The following RTTN variants were observed in gnomAD, a reference collection of about 807,000 sequenced individuals.
RTTN encodes the protein rotatin.
Under a neutral mutation model 269.2 loss-of-function variants are expected in RTTN, and 182 were observed. The observed-to-expected ratio is 0.68, with a 90% CI of 0.60 to 0.76. RTTN has a LOEUF of 0.76. Among genes scored for constraint, RTTN ranks in the 30% least tolerant of loss-of-function variants. The pLI is 0.00. For missense variants in RTTN, 2,545 were observed against 2,608.6 expected, an observed-to-expected ratio of 0.98 and a Z score of 0.53; for synonymous variants, 1,006 against 963.5, an observed-to-expected ratio of 1.04 and a Z score of -0.82.
intron 35 of RTTN, among the ~76,000 whole-genome samples, chr18:70,064,295 G>A (rs1339569634): frequency 1.0e-4 from 13 of 128,488 alleles, no homozygotes; most frequent in African/African-American, 2.1e-4. Context: ...CCAAGATTGC[G>A]CCACTGCACT....
chr18:70,122,671 C>T (rs893870880), intron 25 of RTTN, among the ~76,000 whole-genome samples: 7 of 152,126 alleles, frequency 4.6e-5, no homozygotes, highest in African/African-American at 1.4e-4. Context: ...AGTCCAACAC[C>T]AGGGATATAT....
chr18:70,013,645 C>T (rs890830238), intron 46 of RTTN, among the ~76,000 whole-genome samples: 23 of 151,936 alleles, frequency 1.5e-4, no homozygotes, highest in African/African-American at 5.6e-4. Flanking sequence ...AATATTTGAA[C>T]TGAATATTAC....
chr18:70,097,808 A>C (rs913792702), intron 28 of RTTN, among the ~76,000 whole-genome samples: 1 of 152,218 alleles, frequency 6.6e-6, no homozygotes, highest in Non-Finnish European at 1.5e-5. Flanking sequence ...CCAATACATT[A>C]ACAGTTCATT....
chr18:70,040,513 G>A (rs117951750), intron 40 of RTTN, among the ~76,000 whole-genome samples: 1,881 of 152,274 alleles, frequency 0.012, 22 homozygotes, highest in South Asian at 0.039. Flanking sequence ...ATCTCAAGAC[G>A]ATAATGGCTG....
intron 7 of RTTN, chr18:70,194,441 A>G (rs1292713373): frequency 1.3e-5 from 2 of 152,258 alleles, no homozygotes; most frequent in African/African-American, 4.8e-5. Context: ...CAGCAATTTC[A>G]CTATTATTCA....
At position 70,067,242 on chromosome 18, in the gene RTTN, C is replaced by T. The variant is rs1568325457; in HGVS notation, c.4654-1320G>A. Among the ~76,000 whole-genome samples the T allele has an allele frequency of 2.0e-5, 3 of 151,378 alleles. No individual in the cohort carries two copies. In the South Asian group the frequency reaches 6.3e-4, roughly 32 times the overall value. On this transcript the variant is annotated intron_variant, in intron 34 of 48. Transcript: ENST00000640769. ...TGGCACGATCTCGGCTCACTGCAAG[C>T]TCCGCCTCCCGGGTTCACGCCATTC...
chr18:70,081,934 A>G (rs2058579582), intron 32 of RTTN, among the ~76,000 whole-genome samples: 1 of 152,178 alleles, frequency 6.6e-6, no homozygotes, highest in African/African-American at 2.4e-5. Flanking sequence ...CATTATGTCT[A>G]CAACTCTCCA....
At chr18:70,150,152 C>T (rs982999206) in intron 15 of RTTN, 65 bp from the exon 16 acceptor site, 136 of 921,588 alleles carry the variant, frequency 1.5e-4, no homozygotes, top group Non-Finnish European at 2.0e-4. Context: ...ACCTGACACA[C>T]CTGGAACATT....
At chr18:70,154,163 A>C (rs989164168) in intron 14 of RTTN, among the ~76,000 whole-genome samples, 3 of 151,926 alleles carry the variant, frequency 2.0e-5, no homozygotes, top group Non-Finnish European at 4.4e-5. Context: ...AATTCAGTGC[A>C]TTTTTTTTAA....
intron 32 of RTTN, among the ~76,000 whole-genome samples, chr18:70,076,413 T>C (rs1244357614): frequency 1.3e-5 from 2 of 152,080 alleles, no homozygotes; most frequent in South Asian, 4.2e-4. Flanking sequence ...ACCATAAGAT[T>C]TGTATGTGTG....
At chr18:70,012,182 G>C (rs112349153) in intron 46 of RTTN, among the ~76,000 whole-genome samples, 47 of 115,702 alleles carry the variant, frequency 4.1e-4, no homozygotes, top group Middle Eastern at 8.1e-3. Context: ...TAGAGGGCAG[G>C]GTCTGCTCAC....
chr18:70,149,752 C>T (rs1445230555), intron 16 of RTTN, among the ~76,000 whole-genome samples: 1 of 151,950 alleles, frequency 6.6e-6, no homozygotes, highest in Non-Finnish European at 1.5e-5. Context: ...AACCTCCCAC[C>T]CAGATATATA....
At chr18:70,188,935 T>C (rs2061608114) in intron 9 of RTTN, among the ~76,000 whole-genome samples, 1 of 152,204 alleles carries the variant, frequency 6.6e-6, no homozygotes, top group Non-Finnish European at 1.5e-5. Context: ...AGGATCTAGA[T>C]TAATTTTTTC....
intron 21 of RTTN, chr18:70,138,633 C>G (rs2060181643): frequency 6.6e-6 from 1 of 152,088 alleles, no homozygotes; most frequent in Admixed American, 6.6e-5. Context: ...TCTATACAAT[C>G]TTATAAAAAC....
At chr18:70,165,446 T>C (rs2060960087) in intron 14 of RTTN, among the ~76,000 whole-genome samples, 1 of 151,850 alleles carries the variant, frequency 6.6e-6, no homozygotes, top group African/African-American at 2.4e-5. Flanking sequence ...GTATTTTTCT[T>C]TGAATAAAAA....
chr18:70,044,613 T>C (rs1367778950), intron 40 of RTTN, among the ~76,000 whole-genome samples: 9 of 152,112 alleles, frequency 5.9e-5, no homozygotes, highest in Admixed American at 5.9e-4. Flanking sequence ...AGACTAACAA[T>C]AATAATAACA....
Position 70,193,434 on chromosome 18 carries a change from A to G in RTTN, c.861T>C (p.Ser287=). 6.5e-7 allele frequency: 1 copy of G among 1,533,224 alleles called. No homozygotes were observed. Among genetic ancestry groups the G allele is most frequent in the African/African-American group, 1.4e-5 (1 of 70,154 alleles). The allele number at this position is 1,533,224 out of a possible 1,614,324, so 95.0% of individuals were successfully genotyped here. A position where few individuals can be genotyped will look rare whatever the true frequency, so the allele number is the denominator to read the frequency against. ...TTGCTTCATGACAATAAGACAAAGA[A>G]GAATTTTGGGAAACTGTGTCTGGGG... is the stretch of plus-strand genomic sequence containing the variant. ...SNKHDTVSQN[S]SLSYCHEARG... Residue 287 remains serine (S), a synonymous_variant, in exon 8 of 49, where the codon TCT becomes TCC. Coordinates refer to ENST00000640769, the MANE Select transcript of RTTN (RefSeq NM_173630.4).
chr18:70,035,117 A>G (rs1344174382), intron 40 of RTTN, among the ~76,000 whole-genome samples: 1 of 152,222 alleles, frequency 6.6e-6, no homozygotes, highest in African/African-American at 2.4e-5. Flanking sequence ...AAGAATCAAC[A>G]TTGCTAAAAT....
At position 70,186,054 on chromosome 18, in the gene RTTN, CATCT is replaced by C. The variant is rs541244287; in HGVS notation, c.1305+2050_1305+2053del. On this transcript the variant is annotated intron_variant, in intron 10 of 48. Transcript: ENST00000640769. The stretch of plus-strand genomic sequence containing the variant: ...TAAAACCCACTAAGATACCATTGCA[CATCT>C]ATCAGAATGCCCTCTCCCCCCCAAA... Among the ~76,000 whole-genome samples the C allele has an allele frequency of 1.4e-3, 198 of 145,664 alleles. 1 individual carries two copies. The highest frequency in any genetic ancestry group is 5.1e-3 in the African/African-American group (197 of 38,766).
Sources: allele counts gnomAD v4.1 joint callset (sites outside exome capture counted in the v4.1 genomes callset), GRCh38; gene constraint gnomAD v4.1.1; transcripts MANE v1.5; gene names NCBI Gene and HGNC (gene_info 2026-07-23, HGNC 2026-07-21).